Variants in FCRL2 observed in about 807,000 individuals in gnomAD.
The protein encoded by FCRL2 is Fc receptor like 2.
A neutral mutation model predicts 59.8 loss-of-function variants in FCRL2; 48 were observed. The observed-to-expected ratio is 0.80, with a 90% CI of 0.64 to 1.02. The LOEUF (loss-of-function observed/expected upper bound fraction) is 1.02, where lower values mean the gene tolerates loss of function less well. Ranked by LOEUF, FCRL2 falls within the 50% of genes least tolerant of loss-of-function variation. The pLI is 0.00. For synonymous variants in FCRL2, 251 were observed against 229.5 expected, an observed-to-expected ratio of 1.09 and a Z score of -0.85; for missense variants, 658 against 597.3, an observed-to-expected ratio of 1.10 and a Z score of -1.06.
At chr1:157,756,167 G>T (rs1235314722) in intron 7 of FCRL2, among the ~76,000 whole-genome samples, 1 of 152,198 alleles carries the variant, frequency 6.6e-6, no homozygotes, top group Non-Finnish European at 1.5e-5. Context: ...CCACTGCCTT[G>T]TCCTTATATT....
chr1:157,764,215 A>G (rs1320992421), intron 7 of FCRL2, among the ~76,000 whole-genome samples: 1 of 151,380 alleles, frequency 6.6e-6, no homozygotes, highest in East Asian at 1.9e-4. Flanking sequence ...AATAATAAAT[A>G]AATAAATAAA....
rs1557850029 is a variant in FCRL2, at chr1:157,746,758, T to G, written c.1505A>C (p.Tyr502Ser). Residue 502 changes from tyrosine (Y) to serine (S), a missense_variant, in exon 12 of 12, where the codon TAC (tyrosine) becomes TCC (serine). Transcript: ENST00000361516. ...GTGTTATGATTTCTTCACAGAAGAG[T>G]AGATGACTTGGGAGTCCTGGGAGAG... ...LLENKDSQVI[Y>S]SSVKKS is the part of the protein sequence containing the mutation. 6.2e-7 allele frequency: 1 copy of G among 1,613,810 alleles called. No individual in the cohort carries two copies. The highest frequency in any genetic ancestry group is 1.7e-5 in the Admixed American group (1 of 60,004).
At position 157,748,873 on chromosome 1, in the gene FCRL2, A is replaced by G; in HGVS notation, c.1393+2T>C. On this transcript the variant is annotated splice_donor_variant, in intron 9 of 11. Coordinates refer to ENST00000361516, the MANE Select transcript of FCRL2 (RefSeq NM_030764.4). LOFTEE classifies it high-confidence loss of function. ...AGAGCCCTTCCCAGTGGAGACACTC[A>G]CCATTGACATACACTGGCTGCAGCT... 1.9e-6 allele frequency: 3 copies of G among 1,612,704 alleles called. No individual in the cohort carries two copies. The highest frequency in any genetic ancestry group is 2.5e-6 in the Non-Finnish European group (3 of 1,179,204).
At chr1:157,763,163 A>G (rs1373565349) in intron 7 of FCRL2, among the ~76,000 whole-genome samples, 2 of 152,248 alleles carry the variant, frequency 1.3e-5, no homozygotes, top group African/African-American at 4.8e-5. Context: ...ACAATTAACA[A>G]TATGACAGGA....
chr1:157,760,859 C>G (rs1213555785), intron 7 of FCRL2, among the ~76,000 whole-genome samples: 2 of 151,676 alleles, frequency 1.3e-5, no homozygotes, highest in East Asian at 3.9e-4. Flanking sequence ...TGCTGATTAC[C>G]TGGGTGACAA....
chr1:157,746,864 A>G lies in FCRL2; in HGVS notation c.1488+7T>C, dbSNP rs373274219. The G allele has an allele frequency of 1.4e-4, 229 of 1,613,774 alleles. No individual in the cohort carries two copies. Among genetic ancestry groups the G allele is most frequent in the Non-Finnish European group, 1.9e-4 (219 of 1,179,826 alleles). ...AAGATGAAGAAATTCCAAGGTGTCT[A>G]GCTCACCTTGTTCTCCAGAAGTGTC... On this transcript the variant is annotated splice_region_variant and intron_variant, in intron 11 of 11. Transcript: ENST00000361516.
chr1:157,764,800 A>G (rs1396421900), intron 7 of FCRL2, among the ~76,000 whole-genome samples: 1 of 152,220 alleles, frequency 6.6e-6, no homozygotes, highest in Non-Finnish European at 1.5e-5. Flanking sequence ...ACATACTAAA[A>G]CCTGTGGGAT....
chr1:157,762,815 G>A (rs1005259370), intron 7 of FCRL2, among the ~76,000 whole-genome samples: 1 of 152,176 alleles, frequency 6.6e-6, no homozygotes, highest in African/African-American at 2.4e-5. Context: ...TAAATAAAGT[G>A]CCAGTGAAGG....
intron 1 of FCRL2, 99 bp downstream of exon 1, chr1:157,776,944 C>T (rs538092495): frequency 2.5e-5 from 30 of 1,178,030 alleles, no homozygotes; most frequent in Admixed American, 1.2e-4. Context: ...CCTGAGCATC[C>T]CCACCAGTCC....
chr1:157,767,528 C>T lies in FCRL2; in HGVS notation c.884-19G>A. On this transcript the variant is annotated intron_variant, in intron 5 of 11. Coordinates refer to ENST00000361516, the MANE Select transcript of FCRL2 (RefSeq NM_030764.4). ...ACTGGAACTGACAGACACAGAGGGG[C>T]TATCAGAAAAGATTTGTGATGCCTC... 6.2e-7 allele frequency: 1 copy of T among 1,614,224 alleles called. No individual in the cohort carries two copies. Among genetic ancestry groups the T allele is most frequent in the Non-Finnish European group, 8.5e-7 (1 of 1,180,036 alleles).
At chr1:157,760,699 GA>G (rs1553203609) in intron 7 of FCRL2, among the ~76,000 whole-genome samples, 8 of 36,422 alleles carry the variant, frequency 2.2e-4, no homozygotes, top group South Asian at 1.3e-3. Context: ...AAGAAAGAAG[GA>G]AAGAAAGAAA....
chr1:157,769,866 T>TCA lies in FCRL2; in HGVS notation c.594_595insTG (p.Arg199Ter). The stretch of plus-strand genomic sequence containing the variant: ...CAGGCTCAGCCTCACTGATACTTGC[T>TCA]CTGCACGTGAATCTGGGATTGGAGG... On this transcript the variant is annotated frameshift_variant and splice_region_variant, in exon 4 of 12. Transcript: ENST00000361516. LOFTEE classifies it high-confidence loss of function. The TCA allele has an allele frequency of 6.2e-7, 1 of 1,613,548 alleles. No individual in the cohort carries two copies. Among genetic ancestry groups the TCA allele is most frequent in the Non-Finnish European group, 8.5e-7 (1 of 1,179,522 alleles).
chr1:157,759,575 C>A (rs1202979492), intron 7 of FCRL2, among the ~76,000 whole-genome samples: 1 of 152,122 alleles, frequency 6.6e-6, no homozygotes, highest in Non-Finnish European at 1.5e-5. Flanking sequence ...CTAGAATCTA[C>A]TAGGAACTCA....
intron 7 of FCRL2, among the ~76,000 whole-genome samples, chr1:157,755,372 T>C (rs1648509250): frequency 6.6e-6 from 1 of 152,184 alleles, no homozygotes; most frequent in African/African-American, 2.4e-5. Context: ...TACAATACTT[T>C]GTGTGGCTGG....
Position 157,769,963 on chromosome 1 carries a change from G to A in FCRL2, c.498C>T (p.Ala166=), listed in dbSNP as rs1557868446. ...AAGACCCTGTGTCTTCACTCCACAC[G>A]GCAGAAATCTGGAGCTCCGGAGAGC... The part of the protein sequence containing the change: ...WSSSPELQIS[A]VWSEDTGSYW... Residue 166 remains alanine, a synonymous_variant, in exon 4 of 12, where the codon GCC becomes GCT. Coordinates refer to ENST00000361516, the MANE Select transcript of FCRL2 (RefSeq NM_030764.4). 3.1e-6 allele frequency: 5 copies of A among 1,614,094 alleles called. No homozygotes were observed. In the South Asian group the frequency reaches 3.3e-5, roughly 11 times the overall value.
intron 10 of FCRL2, among the ~76,000 whole-genome samples, chr1:157,747,987 G>A (rs1034557229): frequency 4.6e-5 from 7 of 151,814 alleles, no homozygotes; most frequent in Non-Finnish European, 1.0e-4. Flanking sequence ...TATCTAACCC[G>A]ATTCAAATGA....
intron 4 of FCRL2, 166 bp from the exon 5 acceptor site, chr1:157,768,867 GA>G: frequency 1.4e-6 from 1 of 699,326 alleles, no homozygotes; most frequent in Non-Finnish European, 2.3e-6. Context: ...TATCCTTCAG[GA>G]ATGTGGATAA....
rs16839038 is a variant in FCRL2, at chr1:157,749,634, T to C, written c.1307+16A>G. On this transcript the variant is annotated intron_variant, in intron 8 of 11. Transcript: ENST00000361516. ...AGACCTCTAGAATTAAAATTTTTAC[T>C]AGGAAGAGTTCTCACCTGGGTTCAT... The C allele has an allele frequency of 3.3e-3, 5,284 of 1,596,452 alleles. 128 individuals are homozygous for C. In the African/African-American group the frequency reaches 0.061, roughly 18 times the overall value.
intron 7 of FCRL2, among the ~76,000 whole-genome samples, chr1:157,761,078 C>T (rs1324228718): frequency 1.3e-5 from 2 of 152,202 alleles, no homozygotes; most frequent in African/African-American, 4.8e-5. Flanking sequence ...TTTACAAAAG[C>T]TTCAAAGCTA....
Sources: allele counts gnomAD v4.1 joint callset (sites outside exome capture counted in the v4.1 genomes callset), GRCh38; gene constraint gnomAD v4.1.1; transcripts MANE v1.5; gene names NCBI Gene and HGNC (gene_info 2026-07-23, HGNC 2026-07-21).